CDC42BPA: variants seen among roughly 807,000 people sequenced by gnomAD.
CDC42BPA encodes serine/threonine-protein kinase MRCK alpha.
Under a neutral mutation model 223.5 loss-of-function variants are expected in CDC42BPA, and 80 were observed. That is an observed-to-expected ratio of 0.36 (90% CI 0.30 to 0.43). The LOEUF (loss-of-function observed/expected upper bound fraction) is 0.43, where lower values mean the gene tolerates loss of function less well. Among genes scored for constraint, CDC42BPA ranks in the 20% least tolerant of loss-of-function variants. CDC42BPA has a pLI of 1.00. For synonymous variants in CDC42BPA, 694 were observed against 718.6 expected (o/e 0.97, Z 0.55); for missense variants, 1,743 against 2,099.9 (o/e 0.83, Z 3.32).
Position 227,040,138 on chromosome 1 carries a change from TG to T in CDC42BPA, c.3191del (p.Ser1064TyrfsTer11). ...LMVGLIRQGC[S>X]CEVCGFSCHI... ...TTTCCTTTGTGTTCTTACCTTCACA[TG>T]AACAGCCCTGTCTTATTAAACCCAC... On this transcript the variant is annotated frameshift_variant, in exon 24 of 37. Transcript: ENST00000366766. LOFTEE classifies it high-confidence loss of function. The T allele has an allele frequency of 6.3e-7, 1 of 1,584,812 alleles. No homozygotes were observed. The highest frequency in any genetic ancestry group is 8.7e-7 in the Non-Finnish European group (1 of 1,153,550).
chr1:227,124,322 T>C (rs1404600965), intron 11 of CDC42BPA, among the ~76,000 whole-genome samples: 2 of 152,218 alleles, frequency 1.3e-5, no homozygotes, highest in African/African-American at 4.8e-5. Flanking sequence ...ATGGTGGGTA[T>C]TTGTATACAC....
intron 1 of CDC42BPA, among the ~76,000 whole-genome samples, chr1:227,303,379 A>C (rs1692002155): frequency 2.0e-5 from 3 of 152,176 alleles, no homozygotes. Context: ...GTAAATACAA[A>C]TTTACTTAAT....
chr1:227,306,714 G>C (rs187549348), intron 1 of CDC42BPA, among the ~76,000 whole-genome samples: 60 of 152,296 alleles, frequency 3.9e-4, no homozygotes, highest in African/African-American at 1.4e-3. Flanking sequence ...ATGTTTGTTA[G>C]TTATGCTTTT....
chr1:227,104,512 T>G (rs1459188579), intron 14 of CDC42BPA, among the ~76,000 whole-genome samples: 1 of 152,206 alleles, frequency 6.6e-6, no homozygotes, highest in African/African-American at 2.4e-5. Flanking sequence ...TTTGTGACAA[T>G]TTGGTAATGA....
chr1:227,133,314 C>T (rs1571875953), intron 10 of CDC42BPA, among the ~76,000 whole-genome samples: 1 of 151,392 alleles, frequency 6.6e-6, no homozygotes, highest in African/African-American at 2.4e-5. Context: ...CTCTGCCCGG[C>T]CAGCCGCCCA....
At chr1:227,104,477 A>G (rs9426601) in intron 14 of CDC42BPA, among the ~76,000 whole-genome samples, 19,624 of 152,118 alleles carry the variant, frequency 0.13, 1,344 homozygotes, top group East Asian at 0.26. Context: ...TTCTTCTTGA[A>G]CTACTTAAAA....
At chr1:227,100,186 G>C (rs12404494) in intron 15 of CDC42BPA, among the ~76,000 whole-genome samples, 23,493 of 151,926 alleles carry the variant, frequency 0.15, 2,197 homozygotes, top group African/African-American at 0.25. Flanking sequence ...TATCTTCTTA[G>C]TAGATGGAAT....
chr1:227,032,892 C>T (rs747747862), intron 27 of CDC42BPA, among the ~76,000 whole-genome samples: 2 of 152,240 alleles, frequency 1.3e-5, no homozygotes, highest in Non-Finnish European at 2.9e-5. Context: ...AACTGTACAG[C>T]TGGTCCACAG....
rs1012001923 is a variant in CDC42BPA, at chr1:227,220,297, TATATATATATATATACAC to T, written c.271-7096_271-7079del. ...AAAAGTCATGTTATATATATATATA[TATATATATATATATACAC>T]ACACACACACACATACATATATGGA... On this transcript the variant is annotated intron_variant, in intron 2 of 36. Coordinates refer to ENST00000366766, the MANE Select transcript of CDC42BPA (RefSeq NM_001394014.1). Among the ~76,000 whole-genome samples, 37 of 96,540 alleles carry T rather than the reference TATATATATATATATACAC, an allele frequency of 3.8e-4. 1 individual carries two copies. Among genetic ancestry groups the T allele is most frequent in the African/African-American group, 1.3e-3 (29 of 22,598 alleles). The allele number at this position is 96,540 out of a possible 152,430, so 63.3% of individuals were successfully genotyped here. A position where few individuals can be genotyped will look rare whatever the true frequency, so the allele number is the denominator to read the frequency against.
intron 2 of CDC42BPA, among the ~76,000 whole-genome samples, chr1:227,236,425 T>C (rs571897412): frequency 7.2e-5 from 11 of 152,228 alleles, no homozygotes; most frequent in African/African-American, 2.7e-4. Flanking sequence ...TATAGGAATA[T>C]TAAAAGTGCT....
intron 11 of CDC42BPA, among the ~76,000 whole-genome samples, chr1:227,120,173 A>G (rs1390064083): frequency 6.8e-6 from 1 of 147,580 alleles, no homozygotes; most frequent in Non-Finnish European, 1.5e-5. Flanking sequence ...CTCATTAGGA[A>G]AAAAAAAAAA....
chr1:227,124,326 T>C (rs148058477), intron 11 of CDC42BPA, among the ~76,000 whole-genome samples: 1 of 152,300 alleles, frequency 6.6e-6, no homozygotes, highest in East Asian at 1.9e-4. Flanking sequence ...TGGGTATTTG[T>C]ATACACAAAG....
At position 227,297,915 on chromosome 1, in the gene CDC42BPA, G is replaced by C. The variant is rs576084396; in HGVS notation, c.178+19090C>G. Among the ~76,000 whole-genome samples the C allele has an allele frequency of 5.5e-5, 8 of 144,964 alleles. No homozygotes were observed. The East Asian group carries it at 1.4e-3, about 26-fold the overall frequency. On this transcript the variant is annotated intron_variant, in intron 1 of 36. Transcript: ENST00000366766. Reference sequence around the variant, plus strand: ...CACCACCAAATAATACACTTTAAAGGGGCTAAAATGGCAAATTTTGTTTTA... The same window carrying C: ...CACCACCAAATAATACACTTTAAAGCGGCTAAAATGGCAAATTTTGTTTTA...
intron 1 of CDC42BPA, among the ~76,000 whole-genome samples, chr1:227,255,870 C>T (rs1405485724): frequency 6.6e-6 from 1 of 152,080 alleles, no homozygotes; most frequent in African/African-American, 2.4e-5. Flanking sequence ...GTTAATATGA[C>T]AATGTTACCC....
At chr1:227,014,092 G>C (rs899777528) in intron 34 of CDC42BPA, among the ~76,000 whole-genome samples, 1 of 151,740 alleles carries the variant, frequency 6.6e-6, no homozygotes, top group African/African-American at 2.4e-5. Flanking sequence ...TGAGGTTAAA[G>C]GAAAACCAGA....
intron 15 of CDC42BPA, among the ~76,000 whole-genome samples, chr1:227,097,964 A>G (rs1421269812): frequency 1.3e-5 from 2 of 152,174 alleles, no homozygotes; most frequent in Non-Finnish European, 2.9e-5. Context: ...CACTTAGCCC[A>G]ATTCCAAGTG....
At chr1:227,017,988 G>A (rs1317910913) in intron 32 of CDC42BPA, among the ~76,000 whole-genome samples, 1 of 151,374 alleles carries the variant, frequency 6.6e-6, no homozygotes, top group African/African-American at 2.4e-5. Flanking sequence ...TAATCATATG[G>A]CTTAGGCAGA....
chr1:227,117,506 C>A (rs941538609), intron 12 of CDC42BPA, among the ~76,000 whole-genome samples: 1 of 151,790 alleles, frequency 6.6e-6, no homozygotes, highest in African/African-American at 2.4e-5. Flanking sequence ...GAGACTGGGT[C>A]TCATTCTGTT....
chr1:227,121,086 G>A lies in CDC42BPA; in HGVS notation c.1514-1149C>T, dbSNP rs143832043. On this transcript the variant is annotated intron_variant, in intron 11 of 36. Transcript: ENST00000366766. ...ACCTGCCATTCACCTCCTGCTGTGC[G>A]GCCCAGTCTGCTGGTACCAGTTTGT... Among the ~76,000 whole-genome samples the A allele has an allele frequency of 2.0e-5, 3 of 152,262 alleles. No individual in the cohort carries two copies. In the East Asian group the frequency reaches 5.8e-4, roughly 29 times the overall value.
Sources: gnomAD v4.1 joint callset for allele counts (sites outside exome capture counted in the v4.1 genomes callset) on GRCh38, gnomAD v4.1.1 for gene constraint, MANE v1.5 for transcripts, NCBI Gene and HGNC (gene_info 2026-07-23, HGNC 2026-07-21) for gene names.